The following CDK5RAP3 variants were observed in gnomAD, a reference collection of about 807,000 sequenced individuals.
CDK5RAP3 encodes CDK5 regulatory subunit associated protein 3.
A neutral mutation model predicts 73.3 loss-of-function variants in CDK5RAP3; 58 were observed. That is an observed-to-expected ratio of 0.79 (90% CI 0.64 to 0.98). The LOEUF is 0.98. CDK5RAP3 is among the 50% of genes least tolerant of loss of function. The pLI, the probability that CDK5RAP3 is intolerant of heterozygous loss-of-function variation, is 0.00. For missense variants in CDK5RAP3, 525 were observed against 615.8 expected, an observed-to-expected ratio of 0.85 and a Z score of 1.56; for synonymous variants, 224 against 247.5, an observed-to-expected ratio of 0.91 and a Z score of 0.89.
chr17:47,979,106 C>T, intron 11 of CDK5RAP3, 189 bp downstream of exon 11: 1 of 580,570 alleles, frequency 1.7e-6, no homozygotes, highest in African/African-American at 1.9e-5. Flanking sequence ...TCCTAGGCAC[C>T]TGGCACTACC....
At position 47,978,918 on chromosome 17, in the gene CDK5RAP3, G is replaced by A; in HGVS notation, c.1077+1G>A. ...TCAGTTCCTTGATGAGCTCATGGAG[G>A]TACTGTCATCTCTGGAAGATGCAGG... On this transcript the variant is annotated splice_donor_variant, in intron 11 of 13. Coordinates refer to ENST00000338399, the MANE Select transcript of CDK5RAP3 (RefSeq NM_176096.3). LOFTEE classifies it high-confidence loss of function. The A allele has an allele frequency of 6.2e-7, 1 of 1,612,288 alleles. No homozygotes were observed. Among genetic ancestry groups the A allele is most frequent in the Non-Finnish European group, 8.5e-7 (1 of 1,178,426 alleles).
chr17:47,981,065 G>A, intron 12 of CDK5RAP3, 98 bp from the exon 13 acceptor site: 2 of 1,323,144 alleles, frequency 1.5e-6, no homozygotes, highest in African/African-American at 1.5e-5. Context: ...GCGGCCAGTT[G>A]GGGGTTTGGT....
upstream of CDK5RAP3, chr17:47,970,528 A>C: frequency 1.3e-6 from 1 of 753,630 alleles, no homozygotes; most frequent in Non-Finnish European, 2.2e-6. Context: ...CTCTTCGTTT[A>C]GACTCAATGT....
At chr17:47,970,587 T>C, upstream of CDK5RAP3, 1 of 1,343,562 alleles carries the variant, frequency 7.4e-7, no homozygotes, top group Non-Finnish European at 1.0e-6. Flanking sequence ...TCCCCTTCCC[T>C]GCCCTAATCG....
chr17:47,974,865 A>G, intron 5 of CDK5RAP3: 2 of 1,319,034 alleles, frequency 1.5e-6, no homozygotes, highest in South Asian at 1.5e-5. Context: ...GTGTAGTATA[A>G]ATAATAATAA....
chr17:47,977,802 C>T (rs1234090363), intron 9 of CDK5RAP3, 30 bp from the exon 10 acceptor site: 1 of 1,590,220 alleles, frequency 6.3e-7, no homozygotes, highest in Non-Finnish European at 8.6e-7. Context: ...ATTCTCCCCC[C>T]ATTGCTGTGG....
At chr17:47,971,081 G>A (rs891845142), upstream of CDK5RAP3, 13 of 1,551,002 alleles carry the variant, frequency 8.4e-6, no homozygotes, top group African/African-American at 2.7e-5. Flanking sequence ...CGGCCACAAC[G>A]CCACTGGATT....
At position 47,977,869 on chromosome 17, in the gene CDK5RAP3, C is replaced by T. The variant is rs377127908; in HGVS notation, c.947C>T (p.Ala316Val). 6.2e-7 allele frequency: 1 copy of T among 1,614,070 alleles called. No individual in the cohort carries two copies. The highest frequency in any genetic ancestry group is 8.5e-7 in the Non-Finnish European group (1 of 1,179,978). The part of the protein sequence containing the change: ...GGDGIDWGDD[A>V]VALQITVLEA... ...GATGGGATAGACTGGGGAGACGATG[C>T]TGTTGCTTTGCAGATCACAGTGCTG... Residue 316 changes from alanine to valine, a missense_variant, in exon 10 of 14, where the codon GCT becomes GTT. Coordinates refer to ENST00000338399, the MANE Select transcript of CDK5RAP3 (RefSeq NM_176096.3).
chr17:47,968,745 T>C (rs1454575645), upstream of CDK5RAP3, among the ~76,000 whole-genome samples: 1 of 152,188 alleles, frequency 6.6e-6, no homozygotes, highest in African/African-American at 2.4e-5. Flanking sequence ...CTCAAACTCC[T>C]GACCTCGTGA....
chr17:47,975,546 G>T lies in CDK5RAP3; in HGVS notation c.546G>T (p.Leu182=). 1.2e-6 allele frequency: 2 copies of T among 1,611,432 alleles called. No homozygotes were observed. Among genetic ancestry groups the T allele is most frequent in the South Asian group, 2.2e-5 (2 of 91,088 alleles). The change falls in exon 7 of 14, where the codon CTG becomes CTT. Residue 182 remains leucine, a synonymous_variant. Coordinates refer to ENST00000338399, the MANE Select transcript of CDK5RAP3 (RefSeq NM_176096.3). Reference sequence around the variant, plus strand: ...ATGTCCGAGGAGAACTGCTGGCCCTGGTGAAGGACCTGCCGAGTCAGCTGG... The same window carrying T: ...ATGTCCGAGGAGAACTGCTGGCCCTTGTGAAGGACCTGCCGAGTCAGCTGG... The part of the protein sequence containing the change: ...GENVRGELLA[L]VKDLPSQLAE...
At chr17:47,973,687 T>C in intron 3 of CDK5RAP3, 37 bp downstream of exon 3, 1 of 1,610,872 alleles carries the variant, frequency 6.2e-7, no homozygotes, top group Non-Finnish European at 8.5e-7. Flanking sequence ...GTCCCCTCTT[T>C]GCTGAGGTAG....
At chr17:47,974,500 AGAGTT>A in intron 5 of CDK5RAP3, 52 bp downstream of exon 5, 1 of 1,613,720 alleles carries the variant, frequency 6.2e-7, no homozygotes, top group Non-Finnish European at 8.5e-7. Flanking sequence ...GCCCACTCTC[AGAGTT>A]CTGAGATACC....
At chr17:47,974,635 G>A (rs369050728) in intron 5 of CDK5RAP3, 187 bp downstream of exon 5, 2 of 1,417,224 alleles carry the variant, frequency 1.4e-6, no homozygotes, top group East Asian at 5.3e-5. Flanking sequence ...GGAGTGCTGG[G>A]GGAAGGAGGA....
At chr17:47,972,769 T>C (rs2036300277) in intron 2 of CDK5RAP3, among the ~76,000 whole-genome samples, 1 of 152,180 alleles carries the variant, frequency 6.6e-6, no homozygotes, top group East Asian at 1.9e-4. Context: ...CACTGTTCAG[T>C]GTTTTACCTG....
Position 47,974,414 on chromosome 17 carries a change from T to C in CDK5RAP3, c.300T>C (p.Ile100=). 6.2e-7 allele frequency: 1 copy of C among 1,614,118 alleles called. No homozygotes were observed. Among genetic ancestry groups the C allele is most frequent in the Non-Finnish European group, 8.5e-7 (1 of 1,179,960 alleles). Residue 100 remains isoleucine (I), a synonymous_variant, in exon 5 of 14, where the codon ATT becomes ATC. Transcript: ENST00000338399. ...TTCTTACTCAGGATTGGCAGGAGATTATAGCTCTGTATGAGAAGGACAACA... is the reference window on the plus strand; with the variant it reads ...TTCTTACTCAGGATTGGCAGGAGATCATAGCTCTGTATGAGAAGGACAACA... The part of the protein sequence containing the change: ...SSQRMKDWQE[I]IALYEKDNTY...
At chr17:47,980,563 A>G in intron 11 of CDK5RAP3, 30 bp from the exon 12 acceptor site, 1 of 1,604,804 alleles carries the variant, frequency 6.2e-7, no homozygotes, top group African/African-American at 1.3e-5. Context: ...CATCATGTAC[A>G]GCCTGAACCA....
At position 47,975,278 on chromosome 17, in the gene CDK5RAP3, G is replaced by A; in HGVS notation, c.454G>A (p.Ala152Thr). The part of the protein sequence containing the change: ...EYSRKEEECQ[A>T]GAAEMREQFY... ...CAGCCGCAAGGAGGAGGAGTGCCAG[G>A]CAGGGGCTGCCGAGATGCGGGAGCA... Residue 152 changes from alanine to threonine, a missense_variant, in exon 6 of 14, where the codon GCA becomes ACA. Transcript: ENST00000338399. The A allele has an allele frequency of 4.3e-6, 7 of 1,614,186 alleles. No homozygotes were observed. Among genetic ancestry groups the A allele is most frequent in the Non-Finnish European group, 5.9e-6 (7 of 1,180,032 alleles).
rs755765763 is a variant in CDK5RAP3 at position 47,974,040 on chromosome 17, G to T, written c.285+9G>T. 18 of 1,586,840 alleles carry T rather than the reference G, an allele frequency of 1.1e-5. No individual in the cohort carries two copies. Among genetic ancestry groups the T allele is most frequent in the Non-Finnish European group, 1.6e-5 (18 of 1,155,162 alleles). Reference sequence around the variant, plus strand: ...CTTCACAGCGGATGAAGGCAAGTGTGGGCCAAGGGCCGGTAGTATGTGGTT... The same window carrying T: ...CTTCACAGCGGATGAAGGCAAGTGTTGGCCAAGGGCCGGTAGTATGTGGTT... On this transcript the variant is annotated intron_variant, in intron 4 of 13. Transcript: ENST00000338399.
chr17:47,974,904 A>G, intron 5 of CDK5RAP3: 1 of 1,380,560 alleles, frequency 7.2e-7, no homozygotes, highest in Non-Finnish European at 9.4e-7. Context: ...CATCTACTAA[A>G]TGCAAGGAAT....
Sources: allele counts gnomAD v4.1 joint callset (sites outside exome capture counted in the v4.1 genomes callset), GRCh38; gene constraint gnomAD v4.1.1; transcripts MANE v1.5; gene names NCBI Gene and HGNC (gene_info 2026-07-23, HGNC 2026-07-21).